The following CCDC88C variants were observed in gnomAD, a reference collection of about 807,000 sequenced individuals.
CCDC88C encodes the protein protein Daple.
In CCDC88C, 131 loss-of-function variants were observed where a neutral mutation model predicts 198.8. The ratio of observed to expected loss-of-function variants is 0.66; its 90% CI spans 0.57 to 0.76. The LOEUF is 0.76. Ranked by LOEUF, CCDC88C falls within the 30% of genes least tolerant of loss-of-function variation. The pLI, the probability that CCDC88C is intolerant of heterozygous loss-of-function variation, is 0.00. For synonymous variants in CCDC88C, 1,166 were observed against 1,114.7 expected, an observed-to-expected ratio of 1.05 and a Z score of -0.92; for missense variants, 2,553 against 2,631.6, an observed-to-expected ratio of 0.97 and a Z score of 0.65.
chr14:91,406,653 GC>G, intron 3 of CCDC88C, among the ~76,000 whole-genome samples: 1 of 152,222 alleles, frequency 6.6e-6, no homozygotes, highest in Non-Finnish European at 1.5e-5. Flanking sequence ...GAAAGCACTT[GC>G]CTGTCACGAA....
chr14:91,403,977 G>C (rs1007593485), intron 3 of CCDC88C, among the ~76,000 whole-genome samples: 1 of 152,230 alleles, frequency 6.6e-6, no homozygotes, highest in African/African-American at 2.4e-5. Flanking sequence ...AAAGGAGGTT[G>C]GCTGTTGAAT....
intron 3 of CCDC88C, among the ~76,000 whole-genome samples, chr14:91,393,706 T>G (rs1469680151): frequency 6.6e-6 from 1 of 152,066 alleles, no homozygotes; most frequent in African/African-American, 2.4e-5. Flanking sequence ...AATACCAAAT[T>G]AGCCGGGCAT....
At chr14:91,413,151 C>T (rs1886872615) in intron 2 of CCDC88C, among the ~76,000 whole-genome samples, 1 of 152,184 alleles carries the variant, frequency 6.6e-6, no homozygotes, top group African/African-American at 2.4e-5. Context: ...TTAGCCACTG[C>T]GTCAAACCGG....
chr14:91,361,553 G>T (rs920209716), intron 3 of CCDC88C, among the ~76,000 whole-genome samples: 1 of 152,128 alleles, frequency 6.6e-6, no homozygotes, highest in Non-Finnish European at 1.5e-5. Flanking sequence ...ACCGTGAGGT[G>T]TACTCTACTC....
intron 6 of CCDC88C, among the ~76,000 whole-genome samples, 184 bp from the exon 7 acceptor site, chr14:91,340,208 G>A (rs1357067400): frequency 6.6e-6 from 1 of 152,164 alleles, no homozygotes; most frequent in Non-Finnish European, 1.5e-5. Context: ...CTGTTCATAC[G>A]AACCACTTCT....
chr14:91,300,036 C>A lies in CCDC88C; in HGVS notation c.3670G>T (p.Glu1224Ter). 1 of 1,607,210 alleles carries A rather than the reference C, an allele frequency of 6.2e-7. No individual in the cohort carries two copies. Among genetic ancestry groups the A allele is most frequent in the East Asian group, 2.2e-5 (1 of 44,664 alleles). The change falls in exon 21 of 30, where the codon GAG becomes TAG. Residue 1224 changes from glutamate to a stop codon, truncating the protein, a stop_gained. Transcript: ENST00000389857. LOFTEE classifies it high-confidence loss of function. The stretch of plus-strand genomic sequence containing the variant: ...GTGGTCAAGACCTTCTCCCGCTCCT[C>A]CAGCTCCGCCTTGCGCTTCAGCATG... Reference protein sequence around the residue: ...GDMLKRKAELEEREKVLTTER... With the variant: ...GDMLKRKAEL
chr14:91,280,740 T>C (rs1412156486), intron 27 of CCDC88C, among the ~76,000 whole-genome samples: 1 of 152,202 alleles, frequency 6.6e-6, no homozygotes, highest in Non-Finnish European at 1.5e-5. Flanking sequence ...CCACTCAGTG[T>C]AAAGATGTAA....
chr14:91,402,136 C>T (rs973767987), intron 3 of CCDC88C, among the ~76,000 whole-genome samples: 6 of 152,022 alleles, frequency 3.9e-5, no homozygotes, highest in African/African-American at 1.2e-4. Flanking sequence ...AGTAGCCAGA[C>T]GTGGTGGCGC....
intron 3 of CCDC88C, among the ~76,000 whole-genome samples, chr14:91,377,214 G>A (rs1467037232): frequency 6.6e-6 from 1 of 152,236 alleles, no homozygotes; most frequent in Non-Finnish European, 1.5e-5. Flanking sequence ...AGTTGCCAGG[G>A]ACAGGGCATG....
At chr14:91,290,571 G>C (rs866252424) in intron 24 of CCDC88C, among the ~76,000 whole-genome samples, 2 of 152,186 alleles carry the variant, frequency 1.3e-5, no homozygotes, top group Non-Finnish European at 2.9e-5. Context: ...ATCTGCATAA[G>C]GTCAAAAGGT....
Position 91,273,418 on chromosome 14 carries a change from C to T in CCDC88C, c.5294G>A (p.Ser1765Asn), listed in dbSNP as rs1483683666. 1 of 1,563,050 alleles carries T rather than the reference C, an allele frequency of 6.4e-7. No individual in the cohort carries two copies. The highest frequency in any genetic ancestry group is 2.3e-5 in the East Asian group (1 of 43,912). The stretch of plus-strand genomic sequence containing the variant: ...AGGCTGGGCCTGTCTCGGGGCCACG[C>T]TGGGTGGGGCCTCGGCCTCAGTCAG... ...FRLTEAEAPPSVAPRQAQPPQ... is the reference protein window; with the variant it reads ...FRLTEAEAPPNVAPRQAQPPQ... Residue 1765 changes from serine to asparagine, a missense_variant, in exon 30 of 30, where the codon AGC (serine) becomes AAC (asparagine). Physicochemically the swap from Ser to Asn is conservative, Grantham distance 46 (BLOSUM62 1). Transcript: ENST00000389857. The surrounding 1 kb of genome is among the most constrained non-coding windows in gnomAD (Gnocchi z 5.6).
chr14:91,306,019 T>C (rs1891541234), intron 18 of CCDC88C, 93 bp from the exon 19 acceptor site: 3 of 1,389,350 alleles, frequency 2.2e-6, no homozygotes, highest in Non-Finnish European at 3.0e-6. Flanking sequence ...CCTCAAAAGT[T>C]GATGTTTTGG....
chr14:91,416,773 C>A lies in CCDC88C; in HGVS notation c.126G>T (p.Val42=), dbSNP rs1887081068. Residue 42 remains valine (V), a synonymous_variant, in exon 2 of 30, where the codon GTG becomes GTT. Transcript: ENST00000389857. ...QDNLTMYMDL[V]DGIFLNQIML... is the part of the protein sequence containing the mutation. ...TAATTTGGTTCAAAAAGATGCCGTC[C>A]ACTAAATCCATGTACATAGTCAGGT... 6.2e-7 allele frequency: 1 copy of A among 1,613,556 alleles called. No individual in the cohort carries two copies. The highest frequency in any genetic ancestry group is 8.5e-7 in the Non-Finnish European group (1 of 1,179,716).
chr14:91,293,539 C>CTCA (rs1229590010), intron 23 of CCDC88C, among the ~76,000 whole-genome samples: 1 of 85,158 alleles, frequency 1.2e-5, no homozygotes, highest in South Asian at 5.1e-4. Context: ...CCTGCCACGG[C>CTCA]CCACCTTCCT....
intron 15 of CCDC88C, among the ~76,000 whole-genome samples, chr14:91,310,356 T>G (rs1891765668): frequency 6.6e-6 from 1 of 152,094 alleles, no homozygotes; most frequent in Non-Finnish European, 1.5e-5. Context: ...TTGTAGACAC[T>G]TTGAAACAGA....
At chr14:91,341,071 C>T (rs1724879325) in intron 6 of CCDC88C, among the ~76,000 whole-genome samples, 1 of 152,178 alleles carries the variant, frequency 6.6e-6, no homozygotes, top group Non-Finnish European at 1.5e-5. Context: ...TCAACAAAGG[C>T]CCTTCAATTT....
chr14:91,297,627 C>CT (rs5810533), intron 21 of CCDC88C, 136 bp from the exon 22 acceptor site: 5,532 of 628,128 alleles, frequency 8.8e-3, no homozygotes, highest in South Asian at 0.021. Context: ...CCTCTCTGGG[C>CT]TTTTTTTTTT....
intron 3 of CCDC88C, among the ~76,000 whole-genome samples, chr14:91,380,708 C>T (rs1228958598): frequency 6.6e-6 from 1 of 151,998 alleles, no homozygotes; most frequent in Non-Finnish European, 1.5e-5. Context: ...CCCCTATGTG[C>T]CTCTTAAAAT....
chr14:91,300,017 A>G lies in CCDC88C; in HGVS notation c.3689T>C (p.Leu1230Ser), dbSNP rs951655424. ...CTGCAGCGCCTCTCGCTCAGTGGTCAAGACCTTCTCCCGCTCCTCCAGCTC... is the reference window on the plus strand; with the variant it reads ...CTGCAGCGCCTCTCGCTCAGTGGTCGAGACCTTCTCCCGCTCCTCCAGCTC... ...KAELEEREKV[L>S]TTEREALQQE... The change falls in exon 21 of 30, where the codon TTG becomes TCG. Residue 1230 changes from leucine to serine, a missense_variant. Leu to Ser is a moderately radical substitution (Grantham distance 145, BLOSUM62 -2). This residue lies in a region of CCDC88C where 1,293 missense variants were observed against 1,219.6 expected (regional missense o/e 1.06). Transcript: ENST00000389857. 16 of 1,604,726 alleles carry G rather than the reference A, an allele frequency of 1.0e-5. No individual in the cohort carries two copies. The highest frequency in any genetic ancestry group is 1.4e-5 in the Non-Finnish European group (16 of 1,175,914).
Sources: allele counts gnomAD v4.1 joint callset (sites outside exome capture counted in the v4.1 genomes callset), GRCh38; gene constraint gnomAD v4.1.1; regional missense constraint gnomAD v4.1.1; non-coding constraint Gnocchi (gnomAD v3.1); transcripts MANE v1.5; gene names NCBI Gene and HGNC (gene_info 2026-07-23, HGNC 2026-07-21).